The following STK32B variants were observed in gnomAD, a reference collection of about 807,000 sequenced individuals.
STK32B encodes serine/threonine kinase 32B, also known as serine/threonine-protein kinase 32B.
Under a neutral mutation model 52.6 loss-of-function variants are expected in STK32B, and 43 were observed. The ratio of observed to expected loss-of-function variants is 0.82; its 90% confidence interval spans 0.64 to 1.05. The LOEUF is 1.05. Ranked by LOEUF, STK32B falls within the 50% of genes least tolerant of loss-of-function variation. STK32B has a pLI of 0.00. For synonymous variants in STK32B, 238 were observed against 204.3 expected (o/e 1.17, Z -1.41); for missense variants, 621 against 534.6 (o/e 1.16, Z -1.59).
chr4:5,155,866 T>C (rs1195450958), intron 2 of STK32B, among the ~76,000 whole-genome samples: 1 of 152,152 alleles, frequency 6.6e-6, no homozygotes, highest in African/African-American at 2.4e-5. Context: ...AGTATCTTTA[T>C]AGCAGTGTGA....
chr4:5,494,581 G>T (rs371998471), intron 11 of STK32B, among the ~76,000 whole-genome samples: 2 of 152,188 alleles, frequency 1.3e-5, no homozygotes, highest in African/African-American at 4.8e-5. Context: ...TTACATTTAA[G>T]GTTAATATTG....
At chr4:5,480,901 G>T (rs889881504) in intron 11 of STK32B, among the ~76,000 whole-genome samples, 1 of 152,098 alleles carries the variant, frequency 6.6e-6, no homozygotes, top group Non-Finnish European at 1.5e-5. Flanking sequence ...GTCCCTACAA[G>T]GGACATGAAC....
chr4:5,444,961 A>G (rs138868634), intron 6 of STK32B, among the ~76,000 whole-genome samples: 107 of 152,306 alleles, frequency 7.0e-4, no homozygotes, highest in African/African-American at 2.5e-3. Flanking sequence ...CCATTCCACT[A>G]TGTGGCACTG....
At chr4:5,441,247 G>C (rs1053552129) in intron 6 of STK32B, among the ~76,000 whole-genome samples, 2 of 151,542 alleles carry the variant, frequency 1.3e-5, no homozygotes, top group African/African-American at 4.9e-5. Context: ...GACTCTTTTT[G>C]GTTGGTAAGC....
chr4:5,457,033 A>T (rs1366094464), intron 8 of STK32B, 110 bp downstream of exon 8: 1 of 776,756 alleles, frequency 1.3e-6, no homozygotes, highest in African/African-American at 1.8e-5. Flanking sequence ...CGGGGTAGAG[A>T]TGATCAAATC....
chr4:5,305,117 T>C (rs1729836362), intron 3 of STK32B, among the ~76,000 whole-genome samples: 1 of 152,124 alleles, frequency 6.6e-6, no homozygotes, highest in Non-Finnish European at 1.5e-5. Flanking sequence ...TTTTTGCAGC[T>C]ATGTTCATCA....
intron 7 of STK32B, among the ~76,000 whole-genome samples, chr4:5,452,192 G>C (rs1716068030): frequency 6.6e-6 from 1 of 152,164 alleles, no homozygotes; most frequent in African/African-American, 2.4e-5. Context: ...TCCCTGACCT[G>C]GTGTTAGCCT....
Position 5,395,802 on chromosome 4 carries a change from G to C in STK32B, c.435-2405G>C, listed in dbSNP as rs115314433. ...ATGCAGGTAGTCAAAAGTGAGACTG[G>C]AGTTGGAACACAGACTGTCTAGATC... is the stretch of plus-strand genomic sequence containing the variant. On this transcript the variant is annotated intron_variant, in intron 4 of 11. Transcript: ENST00000282908. The surrounding 1 kb of genome is among the most constrained non-coding windows in gnomAD (Gnocchi z 4.4). Among the ~76,000 whole-genome samples the C allele has an allele frequency of 5.6e-4, 86 of 152,346 alleles. No homozygotes were observed. Among genetic ancestry groups the C allele is most frequent in the African/African-American group, 1.9e-3 (77 of 41,574 alleles).
chr4:5,063,335 A>G (rs1742288760), intron 1 of STK32B, among the ~76,000 whole-genome samples: 1 of 152,056 alleles, frequency 6.6e-6, no homozygotes, highest in Non-Finnish European at 1.5e-5. Context: ...AACATACCCC[A>G]AAGATTATCT....
chr4:5,029,814 T>C, the STK32B span, among the ~76,000 whole-genome samples: 4 of 152,230 alleles, frequency 2.6e-5, no homozygotes, highest in African/African-American at 7.2e-5. Flanking sequence ...TTAAATTTTG[T>C]GTTCCCGCCC....
chr4:5,183,743 T>A (rs1720531498), intron 3 of STK32B, among the ~76,000 whole-genome samples: 2 of 152,228 alleles, frequency 1.3e-5, no homozygotes, highest in Admixed American at 1.3e-4. Flanking sequence ...TCTAAGTAAC[T>A]TGCTACAGCT....
At chr4:5,425,325 G>A (rs59654075) in intron 6 of STK32B, among the ~76,000 whole-genome samples, 23,166 of 152,086 alleles carry the variant, frequency 0.15, 2,401 homozygotes, top group East Asian at 0.41. Flanking sequence ...GGCCACCATG[G>A]CAGTGCTGTG....
chr4:5,463,681 A>G (rs563623897), intron 9 of STK32B, among the ~76,000 whole-genome samples: 1 of 152,018 alleles, frequency 6.6e-6, no homozygotes. Flanking sequence ...CCCCTACCAC[A>G]TGCCCACCTA....
At position 5,253,369 on chromosome 4, in the gene STK32B, T is replaced by TTTG. The variant is rs547118087; in HGVS notation, c.261-77830_261-77828dup. ...TCCAGAATCTAGCAAAATGTTTAGA[T>TTTG]TTGTTGTTGTTGTTGTTGTTGTTTA... On this transcript the variant is annotated intron_variant, in intron 3 of 11. Coordinates refer to ENST00000282908, the MANE Select transcript of STK32B (RefSeq NM_018401.3). Among the ~76,000 whole-genome samples the TTTG allele has an allele frequency of 4.8e-3, 732 of 152,006 alleles. 5 individuals carry two copies. The highest frequency in any genetic ancestry group is 0.02 in the Middle Eastern group (6 of 294).
intron 3 of STK32B, among the ~76,000 whole-genome samples, chr4:5,234,047 G>T (rs1724453605): frequency 6.6e-6 from 1 of 152,016 alleles, no homozygotes; most frequent in Admixed American, 6.6e-5. Context: ...AGTCTGACCT[G>T]ACTTAGCTGA....
chr4:5,317,068 A>G (rs1405100919), intron 3 of STK32B, among the ~76,000 whole-genome samples: 1 of 43,998 alleles, frequency 2.3e-5, no homozygotes, highest in Admixed American at 4.4e-4. Context: ...ATGATATAAT[A>G]TATTATATAT....
intron 1 of STK32B, among the ~76,000 whole-genome samples, chr4:5,118,201 A>G (rs1006767652): frequency 2.6e-5 from 4 of 152,126 alleles, no homozygotes; most frequent in African/African-American, 9.7e-5. Flanking sequence ...TTTGTTTGCT[A>G]GGGGAATTTT....
chr4:5,219,573 A>G (rs533421801), intron 3 of STK32B, among the ~76,000 whole-genome samples: 20 of 152,250 alleles, frequency 1.3e-4, no homozygotes, highest in Admixed American at 1.0e-3. Flanking sequence ...GTGAGTGAGT[A>G]TCAGGACAAT....
At chr4:5,165,101 C>T (rs1718768880) in intron 2 of STK32B, among the ~76,000 whole-genome samples, 1 of 152,036 alleles carries the variant, frequency 6.6e-6, no homozygotes, top group Non-Finnish European at 1.5e-5. Context: ...TTCTGAGGTG[C>T]CTTAGATAGC....
Sources: gnomAD v4.1 joint callset for allele counts (sites outside exome capture counted in the v4.1 genomes callset) on GRCh38, gnomAD v4.1.1 for gene constraint, Gnocchi (gnomAD v3.1) non-coding constraint, MANE v1.5 for transcripts, NCBI Gene and HGNC (gene_info 2026-07-23, HGNC 2026-07-21) for gene names.